The following SNTB1 variants were observed in gnomAD, a reference collection of about 807,000 sequenced individuals.
SNTB1 encodes the protein beta-1-syntrophin.
Under a neutral mutation model 48.9 loss-of-function variants are expected in SNTB1, and 36 were observed. That is an observed-to-expected ratio of 0.74 (90% confidence interval 0.56 to 0.97). SNTB1 has a LOEUF of 0.97. Among genes scored for constraint, SNTB1 ranks in the 50% least tolerant of loss-of-function variants. SNTB1 has a pLI of 0.00. For synonymous variants in SNTB1, 299 were observed against 294.6 expected, an observed-to-expected ratio of 1.01 and a Z score of -0.15; for missense variants, 786 against 703.4, an observed-to-expected ratio of 1.12 and a Z score of -1.33.
rs577323931 is a variant in SNTB1, at chr8:120,740,723, T to C, written c.572-46815A>G. Among the ~76,000 whole-genome samples, 8 of 150,094 alleles carry C rather than the reference T, an allele frequency of 5.3e-5. No homozygotes were observed. In the South Asian group the frequency reaches 1.7e-3, roughly 32 times the overall value. On this transcript the variant is annotated intron_variant, in intron 1 of 6. Coordinates refer to ENST00000517992, the MANE Select transcript of SNTB1 (RefSeq NM_021021.4). ...GGAAGAGAGAATGATGGGCGGCCTG[T>C]AGGCACATCCAAACACAGTTATTTT... is the stretch of plus-strand genomic sequence containing the variant.
At chr8:120,572,003 G>A (rs1488026856) in intron 4 of SNTB1, among the ~76,000 whole-genome samples, 1 of 149,070 alleles carries the variant, frequency 6.7e-6, no homozygotes, top group Non-Finnish European at 1.5e-5. Flanking sequence ...CCACCTCCCC[G>A]GCCCCACCCC....
chr8:120,619,076 A>T (rs1314623343), intron 3 of SNTB1, among the ~76,000 whole-genome samples: 1 of 152,206 alleles, frequency 6.6e-6, no homozygotes, highest in Non-Finnish European at 1.5e-5. Context: ...TCCTAAAAAT[A>T]CTTCTTCCTT....
intron 1 of SNTB1, among the ~76,000 whole-genome samples, chr8:120,797,367 C>T (rs1820135038): frequency 6.6e-6 from 1 of 151,808 alleles, no homozygotes. Flanking sequence ...TATTTTTCTA[C>T]TTTAGAAGTA....
Position 120,696,018 on chromosome 8 carries a change from T to C in SNTB1, c.572-2110A>G, listed in dbSNP as rs369396765. Among the ~76,000 whole-genome samples the C allele has an allele frequency of 1.1e-3, 172 of 152,314 alleles. 5 individuals carry two copies. The South Asian group carries it at 0.034, about 30-fold the overall frequency. ...ACAAATGCAGAAATTTAGGGGGACA[T>C]ATTGAAGCTGTCCGAGGCTGGAATA... is the stretch of plus-strand genomic sequence containing the variant. On this transcript the variant is annotated intron_variant, in intron 1 of 6. Transcript: ENST00000517992.
intron 4 of SNTB1, among the ~76,000 whole-genome samples, chr8:120,567,910 CA>C: frequency 6.6e-6 from 1 of 152,124 alleles, no homozygotes; most frequent in East Asian, 1.9e-4. Context: ...TTTTTAAAAA[CA>C]GGAATGGATC....
chr8:120,592,347 T>A (rs1442513576), intron 3 of SNTB1, among the ~76,000 whole-genome samples: 2 of 149,554 alleles, frequency 1.3e-5, no homozygotes. Flanking sequence ...ACCAGGATAA[T>A]TTTTTTTTCT....
intron 1 of SNTB1, among the ~76,000 whole-genome samples, chr8:120,808,280 TAAC>T (rs1820369045): frequency 6.6e-6 from 1 of 152,178 alleles, no homozygotes; most frequent in African/African-American, 2.4e-5. Flanking sequence ...AAATGAATAA[TAAC>T]AACAGTACTG....
intron 3 of SNTB1, among the ~76,000 whole-genome samples, chr8:120,615,328 A>T (rs954683924): frequency 2.6e-5 from 4 of 152,186 alleles, no homozygotes; most frequent in African/African-American, 9.7e-5. Flanking sequence ...AACATGACGG[A>T]TCCAACAATA....
At chr8:120,568,288 C>A (rs1056537694) in intron 4 of SNTB1, among the ~76,000 whole-genome samples, 1 of 152,172 alleles carries the variant, frequency 6.6e-6, no homozygotes, top group African/African-American at 2.4e-5. Flanking sequence ...TACTGCAATT[C>A]ATTGGGAAGC....
intron 2 of SNTB1, among the ~76,000 whole-genome samples, chr8:120,668,254 G>C (rs1281894842): frequency 6.6e-6 from 1 of 152,192 alleles, no homozygotes. Flanking sequence ...GCACTTCTCA[G>C]AGGGGCATCT....
At chr8:120,650,357 A>C (rs1817392594) in intron 2 of SNTB1, among the ~76,000 whole-genome samples, 1 of 152,162 alleles carries the variant, frequency 6.6e-6, no homozygotes, top group Non-Finnish European at 1.5e-5. Flanking sequence ...GTGGGCTAAG[A>C]ATTGTTGGGC....
chr8:120,588,807 G>A (rs368337180), intron 3 of SNTB1, among the ~76,000 whole-genome samples: 3 of 152,108 alleles, frequency 2.0e-5, no homozygotes, highest in African/African-American at 4.8e-5. Context: ...AATGAGTGGC[G>A]CTGCCAGTTA....
At chr8:120,692,637 G>A (rs1818148203) in intron 2 of SNTB1, among the ~76,000 whole-genome samples, 1 of 152,060 alleles carries the variant, frequency 6.6e-6, no homozygotes, top group Admixed American at 6.5e-5. Flanking sequence ...GCAAAGTCAT[G>A]TACCGACTTT....
intron 1 of SNTB1, among the ~76,000 whole-genome samples, chr8:120,746,768 G>T (rs1221172169): frequency 6.6e-6 from 1 of 152,160 alleles, no homozygotes; most frequent in African/African-American, 2.4e-5. Flanking sequence ...AGTATTACTG[G>T]ACATGGGAGA....
chr8:120,759,112 G>C (rs960266053), intron 1 of SNTB1, among the ~76,000 whole-genome samples: 1 of 152,052 alleles, frequency 6.6e-6, no homozygotes, highest in African/African-American at 2.4e-5. Flanking sequence ...ACATCTTATA[G>C]CTGTTGTTAA....
intron 1 of SNTB1, among the ~76,000 whole-genome samples, chr8:120,756,064 A>T (rs1819312838): frequency 6.6e-6 from 1 of 152,154 alleles, no homozygotes; most frequent in Non-Finnish European, 1.5e-5. Flanking sequence ...TGTGAAAGAG[A>T]TGCCTACATT....
intron 1 of SNTB1, among the ~76,000 whole-genome samples, chr8:120,726,323 G>A (rs893555015): frequency 5.9e-5 from 9 of 152,126 alleles, no homozygotes; most frequent in Admixed American, 1.3e-4. Flanking sequence ...ATTGCTGACT[G>A]GAGAGGATAC....
At chr8:120,779,526 T>C (rs1424373903) in intron 1 of SNTB1, among the ~76,000 whole-genome samples, 2 of 151,758 alleles carry the variant, frequency 1.3e-5, no homozygotes, top group Admixed American at 6.6e-5. Flanking sequence ...TAAAATAAAA[T>C]AAAATAAAAT....
rs370853418 is a variant in SNTB1, at chr8:120,693,650, G to A, written c.788+42C>T. On this transcript the variant is annotated intron_variant, in intron 2 of 6. Coordinates refer to ENST00000517992, the MANE Select transcript of SNTB1 (RefSeq NM_021021.4). The stretch of plus-strand genomic sequence containing the variant: ...AAGCCCCCATTTAGCCTGAGAGGCC[G>A]AGGAGCTGCTTGATACAGTGGAGAG... 1.2e-4 allele frequency: 184 copies of A among 1,563,722 alleles called. No individual in the cohort carries two copies. In the African/African-American group the frequency reaches 2.1e-3, roughly 18 times the overall value.
Sources: allele counts gnomAD v4.1 joint callset (sites outside exome capture counted in the v4.1 genomes callset), GRCh38; gene constraint gnomAD v4.1.1; transcripts MANE v1.5; gene names NCBI Gene and HGNC (gene_info 2026-07-23, HGNC 2026-07-21).